ARHGAP24: variants seen among roughly 807,000 people sequenced by gnomAD.
ARHGAP24 encodes Rho GTPase activating protein 24.
A neutral mutation model predicts 76.4 loss-of-function variants in ARHGAP24; 50 were observed. That is an observed-to-expected ratio of 0.65 (90% CI 0.52 to 0.83). ARHGAP24 has a LOEUF of 0.83. Among genes scored for constraint, ARHGAP24 ranks in the 40% least tolerant of loss-of-function variants. The probability of loss-of-function intolerance (pLI) is 0.00; values close to 1 mark genes in which losing one functional copy is unlikely to be tolerated. For synonymous variants in ARHGAP24, 345 were observed against 323.3 expected (o/e 1.07, Z -0.72); for missense variants, 930 against 914.2 (o/e 1.02, Z -0.22).
chr4:85,614,201 C>T (rs2109998359), intron 2 of ARHGAP24, among the ~76,000 whole-genome samples: 1 of 152,194 alleles, frequency 6.6e-6, no homozygotes, highest in Admixed American at 6.5e-5. Flanking sequence ...CCCGAAATGT[C>T]TTCTTTATTC....
At chr4:85,487,272 T>G (rs1414507957) in intron 1 of ARHGAP24, among the ~76,000 whole-genome samples, 1 of 122,970 alleles carries the variant, frequency 8.1e-6, no homozygotes, top group African/African-American at 3.4e-5. Context: ...TATAAATATA[T>G]ATTTATTTTA....
At chr4:85,574,850 A>G (rs1376509073) in intron 2 of ARHGAP24, among the ~76,000 whole-genome samples, 1 of 152,214 alleles carries the variant, frequency 6.6e-6, no homozygotes, top group African/African-American at 2.4e-5. Flanking sequence ...TGAATGTTTC[A>G]TGTTCTTATT....
chr4:85,990,845 C>T (rs1476196172), intron 8 of ARHGAP24: 1 of 151,902 alleles, frequency 6.6e-6, no homozygotes, highest in African/African-American at 2.4e-5. Context: ...TTAAAGAAAT[C>T]TTATGACGTT....
At chr4:85,959,825 T>A (rs1030462885) in intron 5 of ARHGAP24, among the ~76,000 whole-genome samples, 2 of 152,172 alleles carry the variant, frequency 1.3e-5, no homozygotes, top group Non-Finnish European at 2.9e-5. Flanking sequence ...GTATGAGGGT[T>A]ATGACTTTTT....
intron 1 of ARHGAP24, among the ~76,000 whole-genome samples, chr4:85,488,428 CAAATT>C (rs1335707525): frequency 6.6e-6 from 1 of 152,112 alleles, no homozygotes; most frequent in Non-Finnish European, 1.5e-5. Context: ...AGTCCAATAA[CAAATT>C]AAAATTTATT....
At chr4:85,554,734 T>A (rs4466033) in intron 1 of ARHGAP24, among the ~76,000 whole-genome samples, 125,204 of 151,878 alleles carry the variant, frequency 0.82, 54,002 homozygotes, top group East Asian at 0.98. Context: ...GCAGTGGTGC[T>A]ATCTTGGCCC....
At chr4:85,897,656 A>G (rs1356517889) in intron 3 of ARHGAP24, among the ~76,000 whole-genome samples, 1 of 152,204 alleles carries the variant, frequency 6.6e-6, no homozygotes, top group Non-Finnish European at 1.5e-5. Context: ...CATGGCTCTC[A>G]TATTGCTGCC....
At chr4:85,861,486 C>A (rs1560678510) in intron 3 of ARHGAP24, among the ~76,000 whole-genome samples, 1 of 152,060 alleles carries the variant, frequency 6.6e-6, no homozygotes, top group South Asian at 2.1e-4. Context: ...ATGTCCTCCA[C>A]TATTGCTTTG....
chr4:85,594,133 T>C (rs949681532), intron 2 of ARHGAP24, among the ~76,000 whole-genome samples: 1 of 152,006 alleles, frequency 6.6e-6, no homozygotes, highest in Admixed American at 6.6e-5. Flanking sequence ...CTTTCAGCAG[T>C]ATTTTATAGT....
intron 2 of ARHGAP24, among the ~76,000 whole-genome samples, chr4:85,685,492 G>T (rs1723384298): frequency 6.6e-6 from 1 of 152,082 alleles, no homozygotes; most frequent in South Asian, 2.1e-4. Context: ...AATTAGCTGG[G>T]CATAGTGGCA....
At chr4:85,902,454 A>G (rs1337429027) in intron 3 of ARHGAP24, among the ~76,000 whole-genome samples, 2 of 152,224 alleles carry the variant, frequency 1.3e-5, no homozygotes, top group African/African-American at 2.4e-5. Context: ...ATACAACACC[A>G]TAGTTCCCTG....
intron 3 of ARHGAP24, among the ~76,000 whole-genome samples, chr4:85,864,114 G>A (rs1367307400): frequency 6.6e-6 from 1 of 152,104 alleles, no homozygotes; most frequent in Non-Finnish European, 1.5e-5. Flanking sequence ...TGGCAGAGAA[G>A]GGAAGATGGA....
intron 8 of ARHGAP24, among the ~76,000 whole-genome samples, chr4:85,983,395 G>A (rs896021756): frequency 1.3e-5 from 2 of 151,660 alleles, no homozygotes; most frequent in Admixed American, 6.6e-5. Flanking sequence ...CCCACCAATA[G>A]CATAAAAGTG....
Position 85,809,516 on chromosome 4 carries a change from T to A in ARHGAP24, c.268+87544T>A, listed in dbSNP as rs573442316. Among the ~76,000 whole-genome samples the A allele has an allele frequency of 5.1e-4, 78 of 152,342 alleles. 1 individual carries two copies. The highest frequency in any genetic ancestry group is 1.7e-3 in the African/African-American group (71 of 41,586). ...TCCAAAATGTTATAATATAACGGAA[T>A]ATATTAATGCCTATAAAAGTTTATT... On this transcript the variant is annotated intron_variant, in intron 3 of 9. Transcript: ENST00000395184.
Position 85,486,728 on chromosome 4 carries a change from A to G in ARHGAP24, c.-21+11169A>G, listed in dbSNP as rs371583851. On this transcript the variant is annotated intron_variant, in intron 1 of 9. Transcript: ENST00000395184. The stretch of plus-strand genomic sequence containing the variant: ...TTACTAGTTTCTTGATGACAGCCAT[A>G]TTTTTAATGAAATGGCTTGCGGAAG... Among the ~76,000 whole-genome samples the G allele has an allele frequency of 5.9e-5, 9 of 152,286 alleles. No individual in the cohort carries two copies. In the East Asian group the frequency reaches 1.2e-3, roughly 20 times the overall value.
chr4:85,859,871 G>T (rs192303858), intron 3 of ARHGAP24, among the ~76,000 whole-genome samples: 1 of 151,942 alleles, frequency 6.6e-6, no homozygotes. Context: ...AGTCTCCAGG[G>T]TAGTGCTTGT....
chr4:85,915,439 A>G (rs1735327948), intron 3 of ARHGAP24, among the ~76,000 whole-genome samples: 1 of 152,160 alleles, frequency 6.6e-6, no homozygotes, highest in African/African-American at 2.4e-5. Flanking sequence ...ATTTATTTAT[A>G]CTTTAAGTTA....
intron 2 of ARHGAP24, among the ~76,000 whole-genome samples, chr4:85,658,205 A>G (rs1354311256): frequency 6.6e-6 from 1 of 152,218 alleles, no homozygotes; most frequent in Non-Finnish European, 1.5e-5. Flanking sequence ...TTCAATAATT[A>G]GAAGAGCTAA....
intron 2 of ARHGAP24, among the ~76,000 whole-genome samples, chr4:85,574,899 C>A (rs1336970251): frequency 2.6e-5 from 4 of 152,106 alleles, no homozygotes; most frequent in African/African-American, 7.2e-5. Flanking sequence ...AACAACCTGC[C>A]CAAATTTGAG....
Sources: allele counts gnomAD v4.1 joint callset (sites outside exome capture counted in the v4.1 genomes callset), GRCh38; gene constraint gnomAD v4.1.1; transcripts MANE v1.5; gene names NCBI Gene and HGNC (gene_info 2026-07-23, HGNC 2026-07-21).